Variants in CFAP52 observed in about 807,000 individuals in gnomAD.
CFAP52 encodes the protein cilia and flagella associated protein 52, also known as cilia- and flagella-associated protein 52.
CFAP52 carries 57 observed loss-of-function variants against 70.5 expected under a neutral mutation model. The observed-to-expected ratio is 0.81, with a 90% CI of 0.65 to 1.01. The LOEUF (loss-of-function observed/expected upper bound fraction) is 1.01. Among genes scored for constraint, CFAP52 ranks in the 50% least tolerant of loss-of-function variants. The probability of loss-of-function intolerance (pLI) is 0.00; values close to 1 mark genes in which losing one functional copy is unlikely to be tolerated. For synonymous variants in CFAP52, 267 were observed against 292.5 expected (o/e 0.91, Z 0.89); for missense variants, 785 against 788.5 (o/e 1.00, Z 0.05).
intron 10 of CFAP52, among the ~76,000 whole-genome samples, chr17:9,633,562 G>C (rs1034568662): frequency 6.6e-6 from 1 of 152,124 alleles, no homozygotes; most frequent in Non-Finnish European, 1.5e-5. Flanking sequence ...ATACAGACAT[G>C]AAAGTGTTCT....
At chr17:9,628,973 G>A (rs1354173695) in intron 9 of CFAP52, among the ~76,000 whole-genome samples, 153 bp downstream of exon 9, 1 of 152,128 alleles carries the variant, frequency 6.6e-6, no homozygotes, top group Non-Finnish European at 1.5e-5. Context: ...TCTCTTTGGA[G>A]TTTCCTTCCA....
intron 3 of CFAP52, 40 bp from the exon 4 acceptor site, chr17:9,594,153 C>A: frequency 6.5e-7 from 1 of 1,535,232 alleles, no homozygotes. Flanking sequence ...AGCCTGTTTT[C>A]TCTTTGACTT....
Position 9,641,786 on chromosome 17 carries a change from G to A in CFAP52, c.1638G>A (p.Gly546=). 6.2e-7 allele frequency: 1 copy of A among 1,613,988 alleles called. No individual in the cohort carries two copies. The highest frequency in any genetic ancestry group is 8.5e-7 in the Non-Finnish European group (1 of 1,179,920). ...GAGAATTGGAAGGTTCCCTGTCTGG[G>A]TCGATAAATGGCATGGATATCACAC... The part of the protein sequence containing the change: ...VIRELEGSLS[G]SINGMDITQE... Residue 546 remains glycine, a synonymous_variant, in exon 13 of 14, where the codon GGG becomes GGA. Transcript: ENST00000352665.
At chr17:9,614,903 C>T (rs898616153) in intron 8 of CFAP52, among the ~76,000 whole-genome samples, 7 of 152,194 alleles carry the variant, frequency 4.6e-5, no homozygotes, top group African/African-American at 1.7e-4. Context: ...CCTCTTACTA[C>T]TGATGCAATT....
At chr17:9,606,115 G>T (rs1008350661) in intron 6 of CFAP52, among the ~76,000 whole-genome samples, 1 of 152,168 alleles carries the variant, frequency 6.6e-6, no homozygotes, top group African/African-American at 2.4e-5. Flanking sequence ...AGGCAAGGTG[G>T]ATCATGCCTG....
intron 12 of CFAP52, chr17:9,639,150 C>T (rs1910941000): frequency 6.4e-6 from 1 of 155,764 alleles, no homozygotes; most frequent in African/African-American, 2.4e-5. Flanking sequence ...ACACACGGAG[C>T]CAAGCGTGGT....
At chr17:9,643,655 A>G (rs919428931), downstream of CFAP52, among the ~76,000 whole-genome samples, 1 of 152,214 alleles carries the variant, frequency 6.6e-6, no homozygotes, top group African/African-American at 2.4e-5. Flanking sequence ...TCTGAGCCAC[A>G]ATTTTCTCTT....
At chr17:9,589,421 C>T (rs905082847) in intron 3 of CFAP52, among the ~76,000 whole-genome samples, 4 of 152,070 alleles carry the variant, frequency 2.6e-5, no homozygotes, top group African/African-American at 9.7e-5. Context: ...GGCTCATTAC[C>T]ACTTGACTGT....
chr17:9,594,334 G>T lies in CFAP52; in HGVS notation c.536+13G>T, dbSNP rs776664378. 2.5e-6 allele frequency: 4 copies of T among 1,607,196 alleles called. No individual in the cohort carries two copies. Among genetic ancestry groups the T allele is most frequent in the Non-Finnish European group, 3.4e-6 (4 of 1,176,952 alleles). Reference sequence around the variant, plus strand: ...TGACTGCTGGAAAGTATGTGTCTGCGTTCGGAGTTTTCAGAACTCATAAAT... The same window carrying T: ...TGACTGCTGGAAAGTATGTGTCTGCTTTCGGAGTTTTCAGAACTCATAAAT... On this transcript the variant is annotated intron_variant, in intron 4 of 13. Transcript: ENST00000352665.
intron 1 of CFAP52, among the ~76,000 whole-genome samples, chr17:9,577,269 T>A (rs1321845964): frequency 6.6e-6 from 1 of 152,178 alleles, no homozygotes; most frequent in African/African-American, 2.4e-5. Context: ...CCTGAGGGGA[T>A]GTTGTTGGTC....
downstream of CFAP52, chr17:9,644,628 CG>C (rs1390863034): frequency 6.6e-6 from 1 of 151,478 alleles, no homozygotes; most frequent in African/African-American, 2.4e-5. Context: ...GAATCAAGGG[CG>C]GGGCAAGGCC....
chr17:9,584,405 A>C (rs1395396146), intron 1 of CFAP52: 1 of 1,264,648 alleles, frequency 7.9e-7, no homozygotes, highest in Non-Finnish European at 1.0e-6. Flanking sequence ...AAAGTTAAAA[A>C]AATTATTTTC....
At chr17:9,581,516 T>TGA (rs75942703) in intron 1 of CFAP52, among the ~76,000 whole-genome samples, 2 of 150,200 alleles carry the variant, frequency 1.3e-5, no homozygotes, top group African/African-American at 2.5e-5. Flanking sequence ...TACATATGTT[T>TGA]GAGAGAGAGA....
At chr17:9,583,707 T>C (rs1004969706) in intron 1 of CFAP52, among the ~76,000 whole-genome samples, 12 of 152,216 alleles carry the variant, frequency 7.9e-5, no homozygotes, top group Admixed American at 5.2e-4. Context: ...CAAGGTGACA[T>C]GCAAGTTTGT....
intron 11 of CFAP52, 152 bp from the exon 12 acceptor site, chr17:9,638,457 A>G: frequency 1.5e-6 from 1 of 668,602 alleles, no homozygotes; most frequent in Non-Finnish European, 2.6e-6. Flanking sequence ...TTTTGAAGAA[A>G]TACAAGCACC....
At chr17:9,638,954 T>G (rs1597798412) in intron 12 of CFAP52, 1 of 499,132 alleles carries the variant, frequency 2.0e-6, no homozygotes, top group Non-Finnish European at 3.6e-6. Context: ...TTGCTCATGG[T>G]GCTTATAGCA....
At chr17:9,589,005 G>A (rs1275248298) in intron 3 of CFAP52, among the ~76,000 whole-genome samples, 2 of 152,106 alleles carry the variant, frequency 1.3e-5, no homozygotes, top group Non-Finnish European at 2.9e-5. Context: ...GGGAGGCTGA[G>A]GCAGGAGAAT....
chr17:9,640,436 C>T (rs1393789011), intron 12 of CFAP52, among the ~76,000 whole-genome samples: 2 of 129,296 alleles, frequency 1.5e-5, no homozygotes, highest in Non-Finnish European at 3.2e-5. Context: ...TGTGTTGTTT[C>T]CCCACGTGTC....
intron 3 of CFAP52, 132 bp downstream of exon 3, chr17:9,586,966 AC>A: frequency 8.7e-7 from 1 of 1,144,720 alleles, no homozygotes; most frequent in Non-Finnish European, 1.2e-6. Flanking sequence ...TATTTCATCA[AC>A]CAGGTGCTCA....
Sources: allele counts gnomAD v4.1 joint callset (sites outside exome capture counted in the v4.1 genomes callset), GRCh38; gene constraint gnomAD v4.1.1; transcripts MANE v1.5; gene names NCBI Gene and HGNC (gene_info 2026-07-23, HGNC 2026-07-21).